SLC35F3: variants seen among roughly 807,000 people sequenced by gnomAD.
The protein encoded by SLC35F3 is solute carrier family 35 member F3.
Under a neutral mutation model 49.9 loss-of-function variants are expected in SLC35F3, and 25 were observed. That is an observed-to-expected ratio of 0.50 (90% CI 0.37 to 0.70). The LOEUF (loss-of-function observed/expected upper bound fraction) is 0.70. SLC35F3 is among the 30% of genes least tolerant of loss of function. The probability of loss-of-function intolerance (pLI) is 0.00; values close to 1 mark genes in which losing one functional copy is unlikely to be tolerated. For missense variants in SLC35F3, 525 were observed against 639.8 expected, an observed-to-expected ratio of 0.82 and a Z score of 1.94; for synonymous variants, 275 against 265.4, an observed-to-expected ratio of 1.04 and a Z score of -0.35.
At chr1:234,023,009 C>G (rs1294121604) in intron 2 of SLC35F3, among the ~76,000 whole-genome samples, 2 of 152,102 alleles carry the variant, frequency 1.3e-5, no homozygotes, top group East Asian at 3.9e-4. Context: ...AGAACAGGGA[C>G]TAACATCTAG....
At chr1:234,117,743 G>A (rs1341832735) in intron 2 of SLC35F3, among the ~76,000 whole-genome samples, 6 of 151,352 alleles carry the variant, frequency 4.0e-5, no homozygotes, top group East Asian at 2.0e-4. Context: ...AAAATTAGCC[G>A]GGCGTGGTGG....
At chr1:234,149,448 G>C (rs1386554353) in intron 2 of SLC35F3, among the ~76,000 whole-genome samples, 1 of 152,134 alleles carries the variant, frequency 6.6e-6, no homozygotes, top group African/African-American at 2.4e-5. Context: ...CTGACTGTTT[G>C]GGGATATTCC....
chr1:233,935,251 A>G (rs1247841902), intron 2 of SLC35F3, among the ~76,000 whole-genome samples: 1 of 112,288 alleles, frequency 8.9e-6, no homozygotes, highest in Non-Finnish European at 1.6e-5. Context: ...AATACTGGCT[A>G]TTGTGTGGAA....
At chr1:234,004,042 G>T (rs545076943) in intron 2 of SLC35F3, among the ~76,000 whole-genome samples, 25 of 152,274 alleles carry the variant, frequency 1.6e-4, no homozygotes, top group African/African-American at 5.8e-4. Context: ...CAATTTGATA[G>T]AATCTAATAA....
chr1:234,001,420 A>G (rs1354580525), intron 2 of SLC35F3, among the ~76,000 whole-genome samples: 1 of 152,174 alleles, frequency 6.6e-6, no homozygotes, highest in Non-Finnish European at 1.5e-5. Context: ...TGGAAATTGG[A>G]TTTCCAATAT....
intron 3 of SLC35F3, among the ~76,000 whole-genome samples, chr1:234,307,690 T>C (rs1657233117): frequency 6.6e-6 from 1 of 152,232 alleles, no homozygotes; most frequent in Non-Finnish European, 1.5e-5. Context: ...CATTTGGGAC[T>C]GAGTCTATTT....
chr1:233,948,187 AGGGGAGAGAGAGAGAG>A (rs143256624), intron 2 of SLC35F3, among the ~76,000 whole-genome samples: 30,089 of 143,870 alleles, frequency 0.21, 3,929 homozygotes, highest in East Asian at 0.33. Flanking sequence ...GGTAAGAGGG[AGGGGAGAGAGAGAGAG>A]GGAGAGAGGG....
At chr1:234,270,287 T>C (rs1244686769) in intron 3 of SLC35F3, among the ~76,000 whole-genome samples, 1 of 152,182 alleles carries the variant, frequency 6.6e-6, no homozygotes. Flanking sequence ...CTCAGAGTCA[T>C]TTTGCTTCTG....
At chr1:234,071,143 G>A (rs539759136) in intron 2 of SLC35F3, among the ~76,000 whole-genome samples, 10 of 152,280 alleles carry the variant, frequency 6.6e-5, no homozygotes, top group South Asian at 6.2e-4. Flanking sequence ...GAGCAGACCC[G>A]GCAGAGTCTA....
chr1:233,923,330 G>A (rs1381828435), intron 2 of SLC35F3, among the ~76,000 whole-genome samples: 3 of 152,174 alleles, frequency 2.0e-5, no homozygotes, highest in African/African-American at 4.8e-5. Flanking sequence ...TCATTGAGCA[G>A]TGCTTTGTAG....
chr1:234,165,640 C>A (rs534508401), intron 2 of SLC35F3, among the ~76,000 whole-genome samples: 1 of 152,330 alleles, frequency 6.6e-6, no homozygotes, highest in African/African-American at 2.4e-5. Flanking sequence ...CCCACCTCTG[C>A]CTCCCTATGT....
chr1:234,066,379 T>C (rs1664617360), intron 2 of SLC35F3, among the ~76,000 whole-genome samples: 1 of 152,076 alleles, frequency 6.6e-6, no homozygotes, highest in African/African-American at 2.4e-5. Context: ...CTAGTACCAC[T>C]TTCTCCTTGC....
chr1:234,099,884 C>G (rs1665189132), intron 2 of SLC35F3, among the ~76,000 whole-genome samples: 1 of 152,180 alleles, frequency 6.6e-6, no homozygotes. Flanking sequence ...TGCAAGCCTG[C>G]TTTAGAAGTA....
chr1:234,278,774 G>T (rs770842764), intron 3 of SLC35F3, among the ~76,000 whole-genome samples: 1 of 146,152 alleles, frequency 6.8e-6, no homozygotes, highest in Non-Finnish European at 1.5e-5. Flanking sequence ...CCCTTATGAG[G>T]CAGAGAGAGC....
intron 7 of SLC35F3, among the ~76,000 whole-genome samples, chr1:234,321,027 T>G (rs1049240162): frequency 1.5e-4 from 17 of 115,396 alleles, no homozygotes; most frequent in Non-Finnish European, 5.0e-5. Flanking sequence ...TTCCAGGCCA[T>G]TAAAAGATTG....
intron 3 of SLC35F3, among the ~76,000 whole-genome samples, chr1:234,267,850 C>T (rs1171673527): frequency 6.8e-6 from 1 of 146,234 alleles, no homozygotes; most frequent in Non-Finnish European, 1.5e-5. Context: ...TCCTCACATC[C>T]CAGACAGGGC....
intron 2 of SLC35F3, among the ~76,000 whole-genome samples, chr1:234,040,605 T>C (rs1055114851): frequency 6.6e-6 from 1 of 152,136 alleles, no homozygotes; most frequent in African/African-American, 2.4e-5. Flanking sequence ...AGACTTTCCT[T>C]TGTGGGTTGG....
chr1:234,015,326 C>T (rs374589742), intron 2 of SLC35F3, among the ~76,000 whole-genome samples: 5 of 143,800 alleles, frequency 3.5e-5, no homozygotes, highest in East Asian at 2.1e-4. Context: ...CTAGCCTGGG[C>T]GACAGAGCAA....
rs1013764281 is a variant in SLC35F3 at position 234,214,178 on chromosome 1, G to C, written c.284-17239G>C. The C allele has an allele frequency of 5.5e-6, 6 of 1,100,350 alleles. No individual in the cohort carries two copies. Among genetic ancestry groups the C allele is most frequent in the South Asian group, 8.1e-5 (2 of 24,588 alleles). 68.2% of individuals were successfully genotyped at this position (1,100,350 alleles called of 1,614,324 possible). A position where few individuals can be genotyped will look rare whatever the true frequency, so the allele number is the denominator to read the frequency against. ...CCGGGGAGGAGGGCGGAGCAGGTGAGCTGCGGGGTGGGAGCAGGGAGTGCA... is the reference window on the plus strand; with the variant it reads ...CCGGGGAGGAGGGCGGAGCAGGTGACCTGCGGGGTGGGAGCAGGGAGTGCA... On this transcript the variant is annotated intron_variant, in intron 2 of 7. Coordinates refer to ENST00000366618, the MANE Select transcript of SLC35F3 (RefSeq NM_173508.4). This position sits in a 1 kb window ranked among gnomAD's most constrained non-coding sequence, Gnocchi z 8.0.
Sources: gnomAD v4.1 joint callset for allele counts (sites outside exome capture counted in the v4.1 genomes callset) on GRCh38, gnomAD v4.1.1 for gene constraint, Gnocchi (gnomAD v3.1) non-coding constraint, MANE v1.5 for transcripts, NCBI Gene and HGNC (gene_info 2026-07-23, HGNC 2026-07-21) for gene names.